Variants in PRKAR1A observed in about 807,000 individuals in gnomAD.
PRKAR1A encodes the protein protein kinase cAMP-dependent type I regulatory subunit alpha.
In PRKAR1A, 3 loss-of-function variants were observed where a neutral mutation model predicts 52.0. The observed-to-expected ratio is 0.06, with a 90% confidence interval of 0.03 to 0.15. The LOEUF is 0.15. Ranked by LOEUF, PRKAR1A falls within the 10% of genes least tolerant of loss-of-function variation. The pLI is 1.00. For missense variants in PRKAR1A, 240 were observed against 477.4 expected (o/e 0.50, Z 4.63); for synonymous variants, 188 against 168.4 (o/e 1.12, Z -0.90).
At chr17:68,549,164 G>A (rs2086716662) in intron 11 of PRKAR1A, among the ~76,000 whole-genome samples, 1 of 152,170 alleles carries the variant, frequency 6.6e-6, no homozygotes, top group African/African-American at 2.4e-5. Context: ...TGAGAGTGGA[G>A]CTCATCCATT....
At chr17:68,506,647 C>G in the PRKAR1A span, among the ~76,000 whole-genome samples, 1 of 152,024 alleles carries the variant, frequency 6.6e-6, no homozygotes, top group Non-Finnish European at 1.5e-5. Context: ...CCACACCCGG[C>G]TAATTTTTGT....
chr17:68,442,396 C>T, the PRKAR1A span, among the ~76,000 whole-genome samples: 3 of 146,878 alleles, frequency 2.0e-5, no homozygotes, highest in South Asian at 2.1e-4. Context: ...ATCCGGGAGG[C>T]GAAGGTTGCA....
chr17:68,447,279 T>C, the PRKAR1A span, among the ~76,000 whole-genome samples: 1 of 152,230 alleles, frequency 6.6e-6, no homozygotes, highest in South Asian at 2.1e-4. Flanking sequence ...ACAGCTGTCT[T>C]GATTCCATAA....
At chr17:68,495,798 T>C in the PRKAR1A span, among the ~76,000 whole-genome samples, 1 of 151,134 alleles carries the variant, frequency 6.6e-6, no homozygotes, top group African/African-American at 2.4e-5. Context: ...CCTAAATGGG[T>C]CTCAATAGGC....
chr17:68,426,254 G>GGGGGGGCCCCCCC, the PRKAR1A span: 1 of 816,922 alleles, frequency 1.2e-6, no homozygotes, highest in Non-Finnish European at 1.9e-6. Context: ...GGGAGCGGGG[G>GGGGGGGCCCCCCC]CTCAAATAAA....
the PRKAR1A span, among the ~76,000 whole-genome samples, chr17:68,445,813 C>T: frequency 3.3e-5 from 5 of 152,334 alleles, no homozygotes; most frequent in South Asian, 2.1e-4. Context: ...GAGCAGCTGC[C>T]GACCACCCCT....
chr17:68,534,173 C>T (rs1308606052), downstream of PRKAR1A, among the ~76,000 whole-genome samples: 1 of 152,160 alleles, frequency 6.6e-6, no homozygotes, highest in African/African-American at 2.4e-5. Flanking sequence ...GACATAAGTT[C>T]AGAGCTGTGA....
chr17:68,464,453 C>T, the PRKAR1A span, among the ~76,000 whole-genome samples: 1,804 of 152,244 alleles, frequency 0.012, 20 homozygotes, highest in South Asian at 0.027. Context: ...ATTGCCGAGG[C>T]GGATGGATCG....
chr17:68,437,948 T>TAAAAAAAAAAAAAAAAAAAA, the PRKAR1A span, among the ~76,000 whole-genome samples: 3 of 78,806 alleles, frequency 3.8e-5, no homozygotes, highest in African/African-American at 1.4e-4. Context: ...ACATCTCTCT[T>TAAAAAAAAAAAAAAAAAAAA]AAAAAAAAAA....
chr17:68,430,649 A>C, the PRKAR1A span, among the ~76,000 whole-genome samples: 1 of 152,186 alleles, frequency 6.6e-6, no homozygotes, highest in South Asian at 2.1e-4. Context: ...ATAACCCTGG[A>C]GTCACCCAGG....
At chr17:68,543,547 C>A (rs1323650732) in intron 11 of PRKAR1A, 36 of 1,236,520 alleles carry the variant, frequency 2.9e-5, no homozygotes, top group Non-Finnish European at 3.8e-5. Context: ...CAGGGAGTTC[C>A]CACCTTGAGG....
At chr17:68,486,616 C>T in the PRKAR1A span, among the ~76,000 whole-genome samples, 1 of 146,900 alleles carries the variant, frequency 6.8e-6, no homozygotes, top group African/African-American at 2.5e-5. Flanking sequence ...CTTTTCTCTC[C>T]TTCCTCCTTC....
At chr17:68,471,601 C>T in the PRKAR1A span, among the ~76,000 whole-genome samples, 1 of 152,166 alleles carries the variant, frequency 6.6e-6, no homozygotes, top group Non-Finnish European at 1.5e-5. Context: ...GTCTCTCTCT[C>T]TGCCTGAGTT....
chr17:68,490,983 C>A, the PRKAR1A span, among the ~76,000 whole-genome samples: 1 of 152,166 alleles, frequency 6.6e-6, no homozygotes, highest in Non-Finnish European at 1.5e-5. Flanking sequence ...GATCAGCCTT[C>A]ATCTCTGTCC....
At chr17:68,464,507 C>A in the PRKAR1A span, among the ~76,000 whole-genome samples, 1 of 151,980 alleles carries the variant, frequency 6.6e-6, no homozygotes, top group Non-Finnish European at 1.5e-5. Flanking sequence ...ACGGTGAAAC[C>A]CCGTCTCTAC....
the PRKAR1A span, among the ~76,000 whole-genome samples, chr17:68,486,515 T>TCCTTCCC: frequency 3.5e-3 from 208 of 58,656 alleles, 1 homozygote; most frequent in Non-Finnish European, 4.7e-3. Context: ...CCTTCTTTCT[T>TCCTTCCC]TCTTTCTTTC....
At chr17:68,550,368 A>AAT (rs2086777078) in intron 11 of PRKAR1A, among the ~76,000 whole-genome samples, 2 of 85,808 alleles carry the variant, frequency 2.3e-5, no homozygotes, top group Admixed American at 1.3e-4. Context: ...AAATGGGGGA[A>AAT]CTTTTTTTTT....
chr17:68,513,879 C>A (rs970165822), intron 1 of PRKAR1A, among the ~76,000 whole-genome samples: 1 of 152,154 alleles, frequency 6.6e-6, no homozygotes, highest in Non-Finnish European at 1.5e-5. Context: ...AATGATTGAT[C>A]ATTTGAATGT....
chr17:68,528,010 G>A (rs980252866), intron 8 of PRKAR1A, 110 bp downstream of exon 8: 3 of 947,470 alleles, frequency 3.2e-6, no homozygotes, highest in African/African-American at 3.3e-5. Flanking sequence ...CATTCCCCCT[G>A]AAAAGACAGA....
Sources: allele counts gnomAD v4.1 joint callset (sites outside exome capture counted in the v4.1 genomes callset), GRCh38; gene constraint gnomAD v4.1.1; transcripts MANE v1.5; gene names NCBI Gene and HGNC (gene_info 2026-07-23, HGNC 2026-07-21).